Variants in DRC2 observed in about 807,000 individuals in gnomAD.
The protein encoded by DRC2 is dynein regulatory complex subunit 2, also known as coiled-coil domain containing 65.
the DRC2 span, among the ~76,000 whole-genome samples, chr12:48,912,560 C>G: frequency 6.6e-6 from 1 of 151,888 alleles, no homozygotes; most frequent in African/African-American, 2.4e-5. Flanking sequence ...AACTGCCAGG[C>G]TAGCCAAGGG....
chr12:48,909,686 C>T, the DRC2 span, among the ~76,000 whole-genome samples: 1 of 151,774 alleles, frequency 6.6e-6, no homozygotes, highest in African/African-American at 2.4e-5. Flanking sequence ...CCATGTTGGC[C>T]AGCTGGTCTC....
chr12:48,909,034 TCTC>T, the DRC2 span, among the ~76,000 whole-genome samples: 4 of 133,866 alleles, frequency 3.0e-5, no homozygotes, highest in African/African-American at 5.5e-5. Context: ...TACTTTTCTT[TCTC>T]TTTTTTTTTT....
chr12:48,904,561 C>A, the DRC2 span: 1 of 1,474,528 alleles, frequency 6.8e-7, no homozygotes, highest in Non-Finnish European at 9.1e-7. Context: ...CCTGACCTCC[C>A]CTCCTCCGGA....
chr12:48,904,605 C>T, the DRC2 span: 1 of 1,286,632 alleles, frequency 7.8e-7, no homozygotes, highest in Non-Finnish European at 1.1e-6. Context: ...AGATTTCAGG[C>T]AACATTGTTT....
At chr12:48,917,203 C>A in the DRC2 span, 3 of 1,455,868 alleles carry the variant, frequency 2.1e-6, no homozygotes, top group South Asian at 1.3e-5. Context: ...GTAATCCCAG[C>A]ACCTTGGTAG....
the DRC2 span, chr12:48,904,576 C>T: frequency 7.0e-7 from 1 of 1,432,806 alleles, no homozygotes; most frequent in Non-Finnish European, 9.4e-7. Flanking sequence ...TCCGGAAATC[C>T]TGAGACCCAG....
the DRC2 span, chr12:48,921,457 C>G: frequency 6.3e-7 from 1 of 1,598,890 alleles, no homozygotes; most frequent in East Asian, 2.2e-5. Flanking sequence ...ATAATTGAAG[C>G]AGCCCAGATG....
chr12:48,914,320 GA>G, the DRC2 span: 1 of 1,403,724 alleles, frequency 7.1e-7, no homozygotes. Context: ...TAGGAACAAA[GA>G]AAAAACTGCC....
the DRC2 span, chr12:48,904,231 G>A: frequency 5.5e-6 from 8 of 1,451,544 alleles, no homozygotes; most frequent in East Asian, 1.6e-4. Context: ...CCCACAACCA[G>A]GGGCACTTCT....
At chr12:48,910,037 C>T in the DRC2 span, among the ~76,000 whole-genome samples, 1 of 152,182 alleles carries the variant, frequency 6.6e-6, no homozygotes, top group Non-Finnish European at 1.5e-5. Context: ...GCCTCAGCCT[C>T]CCAAAGTGCT....
At chr12:48,917,501 G>T in the DRC2 span, among the ~76,000 whole-genome samples, 1 of 151,672 alleles carries the variant, frequency 6.6e-6, no homozygotes, top group Non-Finnish European at 1.5e-5. Flanking sequence ...AAATGCTCAA[G>T]GCTACTAGAA....
chr12:48,914,559 G>C, the DRC2 span: 1 of 1,614,020 alleles, frequency 6.2e-7, no homozygotes, highest in African/African-American at 1.3e-5. Context: ...TAACCAAGGA[G>C]TTTGAGACAG....
At chr12:48,910,344 A>G in the DRC2 span, among the ~76,000 whole-genome samples, 1 of 152,334 alleles carries the variant, frequency 6.6e-6, no homozygotes, top group African/African-American at 2.4e-5. Context: ...GTGCTGGTAC[A>G]TAGCAGGGGT....
At chr12:48,911,204 T>G in the DRC2 span, among the ~76,000 whole-genome samples, 1 of 152,212 alleles carries the variant, frequency 6.6e-6, no homozygotes, top group East Asian at 1.9e-4. Flanking sequence ...CAGCTGTTGA[T>G]CCATTAAATC....
At chr12:48,904,326 C>A in the DRC2 span, 2 of 1,612,066 alleles carry the variant, frequency 1.2e-6, no homozygotes, top group Admixed American at 3.3e-5. Flanking sequence ...CGGATCCAAT[C>A]CCCTGCCCCC....
At chr12:48,904,883 T>G in the DRC2 span, 6 of 1,360,408 alleles carry the variant, frequency 4.4e-6, no homozygotes, top group Non-Finnish European at 6.0e-6. Context: ...AAATTAAGAG[T>G]GATCTTGTTT....
the DRC2 span, chr12:48,916,942 AGC>A: frequency 1.2e-6 from 2 of 1,607,570 alleles, no homozygotes; most frequent in South Asian, 1.1e-5. Context: ...TATCCCTCAG[AGC>A]AGGGACAGTG....
chr12:48,914,174 T>C, the DRC2 span, among the ~76,000 whole-genome samples: 1 of 151,876 alleles, frequency 6.6e-6, no homozygotes, highest in Admixed American at 6.6e-5. Context: ...CCCAGGCTCA[T>C]GTAATCCTCC....
chr12:48,911,524 C>T, the DRC2 span, among the ~76,000 whole-genome samples: 1 of 151,752 alleles, frequency 6.6e-6, no homozygotes, highest in African/African-American at 2.4e-5. Context: ...GCCACCTGAC[C>T]CCAGCCTGGG....
Sources: allele counts gnomAD v4.1 joint callset (sites outside exome capture counted in the v4.1 genomes callset), GRCh38; gene constraint gnomAD v4.1.1; transcripts MANE v1.5; gene names NCBI Gene and HGNC (gene_info 2026-07-23, HGNC 2026-07-21).